The following LMO7 variants were observed in gnomAD, a reference collection of about 807,000 sequenced individuals.
LMO7 encodes the protein LIM domain only protein 7.
Under a neutral mutation model 206.5 loss-of-function variants are expected in LMO7, and 120 were observed. That is an observed-to-expected ratio of 0.58 (90% CI 0.50 to 0.68). The LOEUF (loss-of-function observed/expected upper bound fraction) is 0.68, where lower values mean the gene tolerates loss of function less well. Among genes scored for constraint, LMO7 ranks in the 30% least tolerant of loss-of-function variants. The probability of loss-of-function intolerance (pLI) is 0.00; values close to 1 mark genes in which losing one functional copy is unlikely to be tolerated. For missense variants in LMO7, 1,959 were observed against 1,957.9 expected (o/e 1.00, Z -0.01); for synonymous variants, 706 against 681.5 (o/e 1.04, Z -0.56).
chr13:75,803,446 A>G (rs1290923488), intron 7 of LMO7, among the ~76,000 whole-genome samples: 1 of 152,210 alleles, frequency 6.6e-6, no homozygotes, highest in African/African-American at 2.4e-5. Context: ...GGAGGCAGGA[A>G]GAGAAGGGTG....
At chr13:75,823,136 C>T (rs1019743832) in intron 14 of LMO7, among the ~76,000 whole-genome samples, 1 of 152,048 alleles carries the variant, frequency 6.6e-6, no homozygotes, top group Admixed American at 6.6e-5. Flanking sequence ...CCAGATCTTA[C>T]ATGGTAAAAC....
intron 4 of LMO7, among the ~76,000 whole-genome samples, chr13:75,780,968 TG>T (rs1322727438): frequency 6.6e-6 from 1 of 152,128 alleles, no homozygotes; most frequent in Admixed American, 6.6e-5. Flanking sequence ...AGTTTGAAAA[TG>T]TATTTGCACA....
intron 15 of LMO7, among the ~76,000 whole-genome samples, chr13:75,824,831 A>G (rs4884022): frequency 0.64 from 96,279 of 149,900 alleles, 30,920 homozygotes; most frequent in Middle Eastern, 0.79. Flanking sequence ...GTGTGTGTGT[A>G]TATATATTTA....
At chr13:75,855,699 G>T (rs149381722) in intron 29 of LMO7, among the ~76,000 whole-genome samples, 152 of 152,324 alleles carry the variant, frequency 1.0e-3, no homozygotes, top group Non-Finnish European at 1.9e-3. Flanking sequence ...GTTGTTAAGG[G>T]CAGGGACACA....
At chr13:75,805,183 A>T in intron 8 of LMO7, 2 of 1,207,768 alleles carry the variant, frequency 1.7e-6, no homozygotes, top group Non-Finnish European at 2.1e-6. Context: ...CTGGCTGTCT[A>T]TTATGCTGCT....
intron 1 of LMO7, among the ~76,000 whole-genome samples, chr13:75,664,226 A>G (rs1438068564): frequency 6.6e-6 from 1 of 152,126 alleles, no homozygotes; most frequent in African/African-American, 2.4e-5. Context: ...AAATATTTAT[A>G]AAAAATAAAT....
chr13:75,665,159 AC>A (rs1055332959), intron 1 of LMO7, among the ~76,000 whole-genome samples: 1 of 152,060 alleles, frequency 6.6e-6, no homozygotes, highest in Non-Finnish European at 1.5e-5. Flanking sequence ...TCTTGATGTT[AC>A]CCTTGGGTAG....
Position 75,841,021 on chromosome 13 carries a change from G to T in LMO7, c.3583-88G>T, listed in dbSNP as rs1043285298. The T allele has an allele frequency of 1.1e-5, 9 of 816,114 alleles. No homozygotes were observed. In the African/African-American group the frequency reaches 1.6e-4, roughly 14 times the overall value. The allele number at this position is 816,114 out of a possible 1,614,324, so 50.6% of individuals were successfully genotyped here. A position where few individuals can be genotyped will look rare whatever the true frequency, so the allele number is the denominator to read the frequency against. On this transcript the variant is annotated intron_variant, in intron 22 of 30. Coordinates refer to ENST00000377534, the MANE Select transcript of LMO7 (RefSeq NM_001306080.2). ...GGTCTTTAAAGGTTTGAGGTTGAAGGTTTAGAGATCATAAAAGTGTTAATA... is the reference window on the plus strand; with the variant it reads ...GGTCTTTAAAGGTTTGAGGTTGAAGTTTTAGAGATCATAAAAGTGTTAATA...
rs1419565525 is a variant in LMO7, at chr13:75,856,632, A to AAT, written c.4873+25_4873+26dup. 3 of 1,486,486 alleles carry AAT rather than the reference A, an allele frequency of 2.0e-6. No homozygotes were observed. In the Admixed American group the frequency reaches 5.0e-5, roughly 25 times the overall value. 92.1% of individuals were successfully genotyped at this position (1,486,486 alleles called of 1,614,324 possible). ...ATGTAAGAGAGCAAATCAGAGAGAAAATTTCTTGCCTTTTAAGGAGGCCAC... is the reference window on the plus strand; with the variant it reads ...ATGTAAGAGAGCAAATCAGAGAGAAAATATTTCTTGCCTTTTAAGGAGGCCAC... On this transcript the variant is annotated intron_variant, in intron 30 of 30. Transcript: ENST00000377534.
chr13:75,707,022 T>G (rs996191097), intron 1 of LMO7, among the ~76,000 whole-genome samples: 4 of 151,914 alleles, frequency 2.6e-5, no homozygotes, highest in Non-Finnish European at 5.9e-5. Context: ...AAAAATTACC[T>G]AGGACAAAAA....
At chr13:75,625,050 C>G (rs912783881) in intron 2 of LMO7, among the ~76,000 whole-genome samples, 11 of 152,140 alleles carry the variant, frequency 7.2e-5, no homozygotes, top group Non-Finnish European at 1.5e-4. Flanking sequence ...GTAATCATGG[C>G]CTTTTTTATT....
intron 1 of LMO7, among the ~76,000 whole-genome samples, chr13:75,622,631 G>A (rs2033464858): frequency 6.6e-6 from 1 of 152,158 alleles, no homozygotes; most frequent in Non-Finnish European, 1.5e-5. Flanking sequence ...CTTAGGGCAG[G>A]TGTCACACTG....
chr13:75,780,469 GT>G (rs1314416816), intron 4 of LMO7, among the ~76,000 whole-genome samples: 3 of 152,212 alleles, frequency 2.0e-5, no homozygotes, highest in African/African-American at 4.8e-5. Context: ...CCTGCAGGCA[GT>G]CAGACTTTAT....
Position 75,727,113 on chromosome 13 carries a change from A to C in LMO7, c.210+15A>C, listed in dbSNP as rs760859535. On this transcript the variant is annotated intron_variant, in intron 3 of 30. Coordinates refer to ENST00000377534, the MANE Select transcript of LMO7 (RefSeq NM_001306080.2). ...TAGCAGGATTGGTAAGTAGTAAATT[A>C]TCTTCACAACTAAATTTATTTGTCT... 2.7e-6 allele frequency: 4 copies of C among 1,476,922 alleles called. No individual in the cohort carries two copies. The highest frequency in any genetic ancestry group is 2.8e-6 in the Non-Finnish European group (3 of 1,059,094). 91.5% of individuals were successfully genotyped at this position (1,476,922 alleles called of 1,614,324 possible).
chr13:75,636,376 T>TTCGCTTCCCGCG lies in LMO7; in HGVS notation c.-279_-268dup, dbSNP rs2035852871. ...CCGCGCGCTGCCGCTGGGCACCCGC[T>TTCGCTTCCCGCG]TCGCTTCCCGCGTCCTGCCTGACTG... On this transcript the variant is annotated 5_prime_UTR_variant, in exon 1 of 31. Coordinates refer to ENST00000377534, the MANE Select transcript of LMO7 (RefSeq NM_001306080.2). 3.1e-6 allele frequency: 4 copies of TTCGCTTCCCGCG among 1,271,270 alleles called. No individual in the cohort carries two copies. Among genetic ancestry groups the TTCGCTTCCCGCG allele is most frequent in the Non-Finnish European group, 4.0e-6 (4 of 1,006,256 alleles). 78.7% of individuals were successfully genotyped at this position (1,271,270 alleles called of 1,614,324 possible).
chr13:75,769,937 AT>A (rs2049408484), intron 4 of LMO7, among the ~76,000 whole-genome samples: 1 of 152,112 alleles, frequency 6.6e-6, no homozygotes, highest in Non-Finnish European at 1.5e-5. Context: ...TGGGTCAACA[AT>A]TTGGCTGACC....
chr13:75,692,805 GAGA>G (rs1399907933), intron 1 of LMO7, among the ~76,000 whole-genome samples: 20 of 152,150 alleles, frequency 1.3e-4, no homozygotes, highest in African/African-American at 4.8e-4. Context: ...CTTTCTCTAG[GAGA>G]TTTAACTTAT....
At chr13:75,789,667 C>T (rs555710965) in intron 4 of LMO7, among the ~76,000 whole-genome samples, 4 of 152,240 alleles carry the variant, frequency 2.6e-5, no homozygotes, top group East Asian at 1.9e-4. Flanking sequence ...TGGGCCCACA[C>T]GCAGACTCCT....
At chr13:75,661,240 G>T (rs908527622) in intron 1 of LMO7, among the ~76,000 whole-genome samples, 1 of 152,130 alleles carries the variant, frequency 6.6e-6, no homozygotes, top group African/African-American at 2.4e-5. Context: ...CCATCGTACT[G>T]TGTATATATA....
Sources: gnomAD v4.1 joint callset for allele counts (sites outside exome capture counted in the v4.1 genomes callset) on GRCh38, gnomAD v4.1.1 for gene constraint, MANE v1.5 for transcripts, NCBI Gene and HGNC (gene_info 2026-07-23, HGNC 2026-07-21) for gene names.